Variants in NTM observed in about 807,000 individuals in gnomAD.
NTM encodes the protein IgLON family member 2.
Under a neutral mutation model 42.1 loss-of-function variants are expected in NTM, and 13 were observed. That is an observed-to-expected ratio of 0.31 (90% CI 0.20 to 0.49). The LOEUF is 0.49. Ranked by LOEUF, NTM falls within the 20% of genes least tolerant of loss-of-function variation. NTM has a pLI of 0.99. For synonymous variants in NTM, 187 were observed against 179.2 expected, an observed-to-expected ratio of 1.04 and a Z score of -0.35; for missense variants, 373 against 452.8, an observed-to-expected ratio of 0.82 and a Z score of 1.60.
At chr11:131,841,547 T>C (rs1430772917) in intron 1 of NTM, among the ~76,000 whole-genome samples, 3 of 152,234 alleles carry the variant, frequency 2.0e-5, no homozygotes, top group Non-Finnish European at 4.4e-5. Context: ...AGTCACATTT[T>C]TTTTTAACAT....
Position 131,596,255 on chromosome 11 carries a change from T to C in NTM, c.82+225367T>C, listed in dbSNP as rs561902061. On this transcript the variant is annotated intron_variant, in intron 1 of 8. Coordinates refer to ENST00000683400, the MANE Select transcript of NTM (RefSeq NM_001352005.2). ...GTTCGATCTAATGTCTGTCTTCCTT[T>C]TGTTGTCAAATTCAAGATTATTATT... 2.0e-5 allele frequency among the ~76,000 whole-genome samples: 3 copies of C among 152,322 alleles called. No individual in the cohort carries two copies. The East Asian group carries it at 5.8e-4, about 29-fold the overall frequency.
In NTM at chr11:131,830,406, A is replaced by G. The variant is rs543542177; in HGVS notation, c.83-81158A>G. Among the ~76,000 whole-genome samples, 9 of 152,304 alleles carry G rather than the reference A, an allele frequency of 5.9e-5. No homozygotes were observed. The South Asian group carries it at 1.0e-3, about 18-fold the overall frequency. On this transcript the variant is annotated intron_variant, in intron 1 of 8. Transcript: ENST00000683400. ...TATATGGCTAGCCAGCTATTCCAAC[A>G]TGATTTATTAATAGTGAGTCCTTTC...
intron 1 of NTM, among the ~76,000 whole-genome samples, chr11:131,899,334 G>A (rs1407637047): frequency 1.3e-5 from 2 of 152,038 alleles, no homozygotes; most frequent in African/African-American, 4.8e-5. Context: ...CTCCTCAGGG[G>A]GCATTTCCAC....
chr11:131,460,320 G>A (rs1951262761), intron 1 of NTM, among the ~76,000 whole-genome samples: 1 of 152,084 alleles, frequency 6.6e-6, no homozygotes, highest in African/African-American at 2.4e-5. Context: ...ATTTTGAATG[G>A]CCCCAAAGGC....
At chr11:132,012,833 A>T (rs1304272544) in intron 2 of NTM, among the ~76,000 whole-genome samples, 1 of 152,192 alleles carries the variant, frequency 6.6e-6, no homozygotes, top group Admixed American at 6.5e-5. Context: ...GTAGGAGAGG[A>T]TGCAGGAGCC....
At chr11:132,183,437 C>T (rs918784231) in intron 3 of NTM, among the ~76,000 whole-genome samples, 2 of 152,074 alleles carry the variant, frequency 1.3e-5, no homozygotes, top group Non-Finnish European at 2.9e-5. Flanking sequence ...AAGACACAGT[C>T]GGTCATTTTT....
At chr11:131,455,294 G>T (rs1384899428) in intron 1 of NTM, among the ~76,000 whole-genome samples, 1 of 152,188 alleles carries the variant, frequency 6.6e-6, no homozygotes, top group African/African-American at 2.4e-5. Flanking sequence ...GACGGCCCAA[G>T]CGGAGGCTCA....
At chr11:132,221,693 G>A (rs1490193765) in intron 4 of NTM, among the ~76,000 whole-genome samples, 1 of 152,208 alleles carries the variant, frequency 6.6e-6, no homozygotes, top group Non-Finnish European at 1.5e-5. Flanking sequence ...AACTGCTGCT[G>A]TGTAAATGTG....
chr11:131,862,106 C>T (rs969044523), intron 1 of NTM, among the ~76,000 whole-genome samples: 3 of 152,162 alleles, frequency 2.0e-5, no homozygotes, highest in African/African-American at 4.8e-5. Flanking sequence ...GGGCAGAGCA[C>T]GTGTGTTGCA....
intron 1 of NTM, among the ~76,000 whole-genome samples, chr11:131,645,375 C>T (rs1346891062): frequency 1.3e-5 from 2 of 152,182 alleles, no homozygotes; most frequent in African/African-American, 4.8e-5. Context: ...CCTCCTGAGT[C>T]AGACACCAGT....
chr11:131,679,308 C>G (rs1283846507), intron 1 of NTM, among the ~76,000 whole-genome samples: 1 of 152,118 alleles, frequency 6.6e-6, no homozygotes, highest in African/African-American at 2.4e-5. Flanking sequence ...GAAGAAAGTG[C>G]AATGGAAAGA....
rs567723794 is a variant in NTM, at chr11:132,169,320, C to CTTTTTTTTTTTT, written c.400+22827_400+22838dup. On this transcript the variant is annotated intron_variant, in intron 3 of 8. Transcript: ENST00000683400. ...GTGATATCTAGGTTTAATTTTTTTACTTTTTTTTTTTTTTTTTTTTTTTTT... is the reference window on the plus strand; with the variant it reads ...GTGATATCTAGGTTTAATTTTTTTACTTTTTTTTTTTTTTTTTTTTTTTTTTTTTTTTTTTTT... Among the ~76,000 whole-genome samples the CTTTTTTTTTTTT allele has an allele frequency of 8.1e-3, 261 of 32,382 alleles. 89 individuals are homozygous for CTTTTTTTTTTTT. Among genetic ancestry groups the CTTTTTTTTTTTT allele is most frequent in the Admixed American group, 8.6e-3 (13 of 1,516 alleles). The allele number at this position is 32,382 out of a possible 152,430, so 21.2% of individuals were successfully genotyped here. A position where few individuals can be genotyped will look rare whatever the true frequency, so the allele number is the denominator to read the frequency against.
At chr11:132,009,363 A>G (rs945872949) in intron 2 of NTM, among the ~76,000 whole-genome samples, 4 of 152,178 alleles carry the variant, frequency 2.6e-5, no homozygotes, top group Admixed American at 2.6e-4. Flanking sequence ...AGCAAATTTC[A>G]TGGGAGAGCC....
At chr11:131,660,911 TTCTG>T in intron 1 of NTM, 1 of 1,295,306 alleles carries the variant, frequency 7.7e-7, no homozygotes, top group Non-Finnish European at 1.0e-6. Context: ...TGGCTTTCTC[TTCTG>T]TCTCTTTTTA....
intron 2 of NTM, among the ~76,000 whole-genome samples, chr11:132,119,823 G>A (rs1211676737): frequency 6.6e-6 from 1 of 152,236 alleles, no homozygotes; most frequent in African/African-American, 2.4e-5. Context: ...TGCTGGGTTA[G>A]GGTTCACACA....
At chr11:131,860,638 G>A (rs900714073) in intron 1 of NTM, among the ~76,000 whole-genome samples, 3 of 152,146 alleles carry the variant, frequency 2.0e-5, no homozygotes, top group South Asian at 4.1e-4. Flanking sequence ...ACTAGTTAAC[G>A]AACAGTGGAA....
At chr11:131,687,504 C>A (rs537854439) in intron 1 of NTM, among the ~76,000 whole-genome samples, 15 of 152,310 alleles carry the variant, frequency 9.8e-5, no homozygotes, top group African/African-American at 1.4e-4. Flanking sequence ...AGGCTAGGGG[C>A]CTTCATGGGC....
chr11:131,924,425 TCATATA>T (rs2057670088), intron 2 of NTM, among the ~76,000 whole-genome samples: 1 of 152,194 alleles, frequency 6.6e-6, no homozygotes, highest in Non-Finnish European at 1.5e-5. Flanking sequence ...GCTGCTCAAA[TCATATA>T]TAAGTTTTTT....
At chr11:132,097,385 G>A (rs2136493195) in intron 2 of NTM, among the ~76,000 whole-genome samples, 1 of 152,278 alleles carries the variant, frequency 6.6e-6, no homozygotes. Context: ...CCAGGATGCT[G>A]GGGACACTCA....
Sources: allele counts gnomAD v4.1 joint callset (sites outside exome capture counted in the v4.1 genomes callset), GRCh38; gene constraint gnomAD v4.1.1; transcripts MANE v1.5; gene names NCBI Gene and HGNC (gene_info 2026-07-23, HGNC 2026-07-21).